Variants in CORO2B observed in about 807,000 individuals in gnomAD.
CORO2B encodes coronin-2B.
CORO2B carries 26 observed loss-of-function variants against 58.8 expected under a neutral mutation model. The observed-to-expected ratio is 0.44, with a 90% confidence interval of 0.32 to 0.61. CORO2B has a LOEUF of 0.61. Among genes scored for constraint, CORO2B ranks in the 20% least tolerant of loss-of-function variants. The pLI is 0.04. For missense variants in CORO2B, 460 were observed against 645.1 expected (o/e 0.71, Z 3.11); for synonymous variants, 242 against 253.8 (o/e 0.95, Z 0.44).
rs1467384790 is a variant in CORO2B, at chr15:68,683,672, G to A, written c.217-11468G>A. On this transcript the variant is annotated intron_variant, in intron 2 of 11. Transcript: ENST00000261861. ...ACCCATCACATTTAAGGCCTCGAATGCTGGGAAGCAGGGATGTCACCATCT... is the reference window on the plus strand; with the variant it reads ...ACCCATCACATTTAAGGCCTCGAATACTGGGAAGCAGGGATGTCACCATCT... Among the ~76,000 whole-genome samples, 7 of 152,132 alleles carry A rather than the reference G, an allele frequency of 4.6e-5. No homozygotes were observed. In the South Asian group the frequency reaches 1.4e-3, roughly 31 times the overall value.
At chr15:68,549,953 A>AAAATAAATAAATAAATAAAT in the CORO2B span, among the ~76,000 whole-genome samples, 1,627 of 144,532 alleles carry the variant, frequency 0.011, 24 homozygotes, top group East Asian at 0.021. Context: ...AAAATAAAAT[A>AAAATAAATAAATAAATAAAT]AAATAAATAA....
chr15:68,609,371 T>C (rs1900194760), intron 1 of CORO2B, among the ~76,000 whole-genome samples: 1 of 152,118 alleles, frequency 6.6e-6, no homozygotes, highest in Admixed American at 6.5e-5. Context: ...TTAGTGACCA[T>C]CTTATTTCTC....
intron 3 of CORO2B, among the ~76,000 whole-genome samples, chr15:68,700,847 C>T (rs986675994): frequency 6.6e-6 from 1 of 152,072 alleles, no homozygotes; most frequent in African/African-American, 2.4e-5. Context: ...AGGGAGAGAG[C>T]GATCCCAGGA....
At chr15:68,687,894 G>A (rs1362390587) in intron 2 of CORO2B, among the ~76,000 whole-genome samples, 1 of 152,194 alleles carries the variant, frequency 6.6e-6, no homozygotes, top group Non-Finnish European at 1.5e-5. Flanking sequence ...CCATGCATGA[G>A]GGCACAGCCC....
At chr15:68,543,020 C>T in the CORO2B span, among the ~76,000 whole-genome samples, 1 of 152,150 alleles carries the variant, frequency 6.6e-6, no homozygotes, top group Non-Finnish European at 1.5e-5. Flanking sequence ...TGGTTTACTG[C>T]AGAACAAAGG....
intron 2 of CORO2B, among the ~76,000 whole-genome samples, chr15:68,658,419 A>C (rs1009025854): frequency 4.6e-5 from 7 of 152,232 alleles, no homozygotes; most frequent in African/African-American, 1.7e-4. Flanking sequence ...GTGAGGGGCC[A>C]GTGGGGGTTG....
chr15:68,621,221 A>G (rs1367178447), intron 1 of CORO2B, among the ~76,000 whole-genome samples: 1 of 152,198 alleles, frequency 6.6e-6, no homozygotes, highest in Non-Finnish European at 1.5e-5. Flanking sequence ...ACCTGTGCTC[A>G]TGGCTGGAAT....
the CORO2B span, among the ~76,000 whole-genome samples, chr15:68,545,632 G>A: frequency 6.7e-6 from 1 of 150,360 alleles, no homozygotes; most frequent in African/African-American, 2.5e-5. Context: ...AATACTGGGC[G>A]AGGGGGACTG....
At position 68,625,970 on chromosome 15, in the gene CORO2B, C is replaced by T. The variant is rs553662101; in HGVS notation, c.16-19190C>T. Among the ~76,000 whole-genome samples the T allele has an allele frequency of 2.0e-5, 3 of 152,266 alleles. No individual in the cohort carries two copies. The South Asian group carries it at 6.2e-4, about 32-fold the overall frequency. ...TATCAGTAGTTTGCTCCTTTTATTG[C>T]TGAGTTTGTGTTCCATCCTGTGGAT... On this transcript the variant is annotated intron_variant, in intron 1 of 11. Transcript: ENST00000261861.
rs1040242997 is a variant in CORO2B, at chr15:68,708,197, G to A, written c.334-2535G>A. Among the ~76,000 whole-genome samples, 20 of 152,238 alleles carry A rather than the reference G, an allele frequency of 1.3e-4. 1 individual carries two copies. The East Asian group carries it at 3.9e-3, about 29-fold the overall frequency. ...TCCCAGTCAACAGCCACAGGAGCTG[G>A]CTCTGTGGGGGGAACACACATGAGG... On this transcript the variant is annotated intron_variant, in intron 3 of 11. Transcript: ENST00000261861.
the CORO2B span, among the ~76,000 whole-genome samples, chr15:68,551,426 C>T: frequency 3.3e-5 from 5 of 152,294 alleles, no homozygotes; most frequent in African/African-American, 9.6e-5. Flanking sequence ...TCCCACTGGG[C>T]TGTGGGTGAA....
rs927370418 is a variant in CORO2B at position 68,724,559 on chromosome 15, T to G, written c.1312-1284T>G. Among the ~76,000 whole-genome samples, 4 of 152,164 alleles carry G rather than the reference T, an allele frequency of 2.6e-5. No homozygotes were observed. In the East Asian group the frequency reaches 7.7e-4, roughly 29 times the overall value. ...CCACCATCAGCCAAGATATAGAATATTCTCCAGTCTTTTAGGGCTAGATCT... is the reference window on the plus strand; with the variant it reads ...CCACCATCAGCCAAGATATAGAATAGTCTCCAGTCTTTTAGGGCTAGATCT... On this transcript the variant is annotated intron_variant, in intron 11 of 11. Coordinates refer to ENST00000261861, the MANE Select transcript of CORO2B (RefSeq NM_006091.5).
chr15:68,556,882 C>G, the CORO2B span, among the ~76,000 whole-genome samples: 2 of 152,166 alleles, frequency 1.3e-5, no homozygotes, highest in African/African-American at 4.8e-5. Flanking sequence ...GCCTCTTTTC[C>G]CTTCCTAGTG....
Position 68,645,365 on chromosome 15 carries a change from G to C in CORO2B, c.216+5G>C. 1.2e-6 allele frequency: 2 copies of C among 1,609,268 alleles called. No homozygotes were observed. The highest frequency in any genetic ancestry group is 1.7e-6 in the Non-Finnish European group (2 of 1,179,818). On this transcript the variant is annotated splice_donor_5th_base_variant and intron_variant, in intron 2 of 11. Coordinates refer to ENST00000261861, the MANE Select transcript of CORO2B (RefSeq NM_006091.5). This position sits in a 1 kb window ranked among gnomAD's most constrained non-coding sequence, Gnocchi z 4.5. The stretch of plus-strand genomic sequence containing the variant: ...CTCGTCATCCCCCTGGAGCAGGTAG[G>C]TGGCCCCTACCTTCACTCCAGCTGC...
chr15:68,546,057 T>C, the CORO2B span, among the ~76,000 whole-genome samples: 125 of 152,242 alleles, frequency 8.2e-4, 1 homozygote, highest in African/African-American at 2.8e-3. Context: ...AAACCAACAG[T>C]GAGCCGTCCT....
chr15:68,629,709 G>A (rs77737104), intron 1 of CORO2B, among the ~76,000 whole-genome samples: 4,563 of 152,282 alleles, frequency 0.03, 109 homozygotes, highest in Middle Eastern at 0.088. Flanking sequence ...CTCAGTAGGG[G>A]TCAGATCAGG....
the CORO2B span, among the ~76,000 whole-genome samples, chr15:68,568,806 C>A: frequency 1.0e-3 from 156 of 152,134 alleles, no homozygotes; most frequent in African/African-American, 3.6e-3. Context: ...GGGAGGGGAG[C>A]AACACACACT....
At chr15:68,657,765 C>A (rs868347426) in intron 2 of CORO2B, among the ~76,000 whole-genome samples, 16 of 152,262 alleles carry the variant, frequency 1.1e-4, no homozygotes, top group African/African-American at 3.4e-4. Flanking sequence ...GGTTTGCTGC[C>A]TACATTTATA....
the CORO2B span, among the ~76,000 whole-genome samples, chr15:68,520,903 G>A: frequency 1.3e-5 from 2 of 152,070 alleles, no homozygotes; most frequent in Non-Finnish European, 2.9e-5. Context: ...ACAAAAATTA[G>A]CCAGCCATGA....
Sources: gnomAD v4.1 joint callset for allele counts (sites outside exome capture counted in the v4.1 genomes callset) on GRCh38, gnomAD v4.1.1 for gene constraint, Gnocchi (gnomAD v3.1) non-coding constraint, MANE v1.5 for transcripts, NCBI Gene and HGNC (gene_info 2026-07-23, HGNC 2026-07-21) for gene names.